SLC38A11: variants seen among roughly 807,000 people sequenced by gnomAD.
SLC38A11 encodes the protein putative sodium-coupled neutral amino acid transporter 11.
SLC38A11 carries 51 observed loss-of-function variants against 49.4 expected under a neutral mutation model. That is an observed-to-expected ratio of 1.03 (90% CI 0.83 to 1.30). SLC38A11 has a LOEUF of 1.30. Ranked by LOEUF, SLC38A11 falls within the 50% of genes most tolerant of loss-of-function variation. SLC38A11 has a pLI of 0.00. For missense variants in SLC38A11, 574 were observed against 556.2 expected (o/e 1.03, Z -0.32); for synonymous variants, 203 against 192.9 (o/e 1.05, Z -0.43).
At chr2:164,927,346 G>A (rs780873322) in intron 7 of SLC38A11, among the ~76,000 whole-genome samples, 6 of 152,138 alleles carry the variant, frequency 3.9e-5, no homozygotes, top group Non-Finnish European at 7.3e-5. Context: ...TTTTGTTACT[G>A]TAGCATAGAA....
chr2:164,917,366 C>T (rs911215618), intron 7 of SLC38A11, among the ~76,000 whole-genome samples: 5 of 151,918 alleles, frequency 3.3e-5, no homozygotes, highest in Admixed American at 6.6e-5. Context: ...CATCCTTTTT[C>T]CCATATATGA....
intron 3 of SLC38A11, among the ~76,000 whole-genome samples, chr2:164,946,607 A>G (rs772871036): frequency 2.0e-5 from 3 of 151,808 alleles, no homozygotes; most frequent in Non-Finnish European, 4.4e-5. Context: ...AGAAACTTCA[A>G]TTGAAGTTAG....
At chr2:164,935,488 A>G (rs1476338839) in intron 7 of SLC38A11, among the ~76,000 whole-genome samples, 6 of 143,370 alleles carry the variant, frequency 4.2e-5, no homozygotes, top group Admixed American at 7.3e-5. Flanking sequence ...TGGGCAACAT[A>G]GTGAGACTCC....
intron 10 of SLC38A11, among the ~76,000 whole-genome samples, chr2:164,911,423 C>A (rs1229845336): frequency 6.6e-6 from 1 of 152,064 alleles, no homozygotes; most frequent in Non-Finnish European, 1.5e-5. Flanking sequence ...ACCTAATTTT[C>A]AAACCGAACT....
chr2:164,953,656 C>T (rs1688667232), intron 2 of SLC38A11, among the ~76,000 whole-genome samples: 1 of 151,806 alleles, frequency 6.6e-6, no homozygotes, highest in South Asian at 2.1e-4. Flanking sequence ...AAAAGACTAT[C>T]CATAGAAAAA....
intron 5 of SLC38A11, among the ~76,000 whole-genome samples, chr2:164,942,306 G>T (rs1027185690): frequency 3.3e-5 from 5 of 151,224 alleles, no homozygotes; most frequent in Non-Finnish European, 3.0e-5. Context: ...GTGGTGGTGT[G>T]CACCTGCAAT....
chr2:164,941,238 A>T (rs1345733082), intron 5 of SLC38A11, among the ~76,000 whole-genome samples: 1 of 152,150 alleles, frequency 6.6e-6, no homozygotes. Flanking sequence ...TTTTTGAAAA[A>T]ATTTAAAAGC....
At chr2:164,919,509 A>G (rs1025934299) in intron 7 of SLC38A11, among the ~76,000 whole-genome samples, 4 of 152,198 alleles carry the variant, frequency 2.6e-5, no homozygotes, top group Admixed American at 6.5e-5. Flanking sequence ...AAGGTAAGCT[A>G]AAAGCTGGAA....
chr2:164,930,113 A>T lies in SLC38A11; in HGVS notation c.617+7237T>A, dbSNP rs553763355. Among the ~76,000 whole-genome samples the T allele has an allele frequency of 4.6e-5, 7 of 152,250 alleles. No homozygotes were observed. The South Asian group carries it at 1.5e-3, about 32-fold the overall frequency. On this transcript the variant is annotated intron_variant, in intron 7 of 11. Coordinates refer to ENST00000685975, the MANE Select transcript of SLC38A11 (RefSeq NM_001351537.2). ...GAAATACAAATAAAAATTAGAGAAT[A>T]TTATGAACACCTCCATGCACATAAA...
At chr2:164,943,474 A>C (rs11886210) in intron 5 of SLC38A11, among the ~76,000 whole-genome samples, 10,470 of 152,274 alleles carry the variant, frequency 0.069, 397 homozygotes, top group Admixed American at 0.1. Flanking sequence ...GCACCTTTCT[A>C]AACAAAAGAA....
intron 2 of SLC38A11, 27 bp downstream of exon 2, chr2:164,954,604 A>C (rs1195579531): frequency 7.9e-7 from 1 of 1,273,830 alleles, no homozygotes; most frequent in Non-Finnish European, 1.1e-6. Flanking sequence ...TTTCACTTAA[A>C]ATTTAAACCA....
chr2:164,946,294 G>A (rs527812794), intron 3 of SLC38A11, among the ~76,000 whole-genome samples: 40 of 152,102 alleles, frequency 2.6e-4, no homozygotes, highest in East Asian at 1.2e-3. Flanking sequence ...TTTGGCCGGC[G>A]CAGTGGCTCA....
chr2:164,895,469 T>C lies in SLC38A11; in HGVS notation c.*2968A>G, dbSNP rs1336793874. Among the ~76,000 whole-genome samples, 1 of 152,140 alleles carries C rather than the reference T, an allele frequency of 6.6e-6. No individual in the cohort carries two copies. Among genetic ancestry groups the C allele is most frequent in the African/African-American group, 2.4e-5 (1 of 41,432 alleles). The stretch of plus-strand genomic sequence containing the variant: ...ATTAAAAGACAGACTATTATTCCTT[T>C]CCTAAGCAAGGCTATAGCAGATAAA... On this transcript the variant is annotated 3_prime_UTR_variant, in exon 12 of 12. Coordinates refer to ENST00000685975, the MANE Select transcript of SLC38A11 (RefSeq NM_001351537.2).
chr2:164,923,150 C>T (rs1017265297), intron 7 of SLC38A11, among the ~76,000 whole-genome samples: 7 of 152,114 alleles, frequency 4.6e-5, no homozygotes, highest in East Asian at 3.9e-4. Flanking sequence ...ATACCCTTCC[C>T]GACATTGGCC....
At chr2:164,923,047 T>C (rs1430473589) in intron 7 of SLC38A11, among the ~76,000 whole-genome samples, 1 of 152,236 alleles carries the variant, frequency 6.6e-6, no homozygotes, top group African/African-American at 2.4e-5. Context: ...ACTAGACCCC[T>C]ACCTTTTTCC....
At chr2:164,906,004 G>A (rs1684978100) in intron 11 of SLC38A11, among the ~76,000 whole-genome samples, 1 of 151,952 alleles carries the variant, frequency 6.6e-6, no homozygotes, top group South Asian at 2.1e-4. Flanking sequence ...ATGCCATGGA[G>A]ATTAGCAATT....
At chr2:164,932,109 A>G (rs1226926097) in intron 7 of SLC38A11, among the ~76,000 whole-genome samples, 1 of 152,134 alleles carries the variant, frequency 6.6e-6, no homozygotes, top group Non-Finnish European at 1.5e-5. Flanking sequence ...GGCAAAGGAC[A>G]TGAACACTCT....
At position 164,907,270 on chromosome 2, in the gene SLC38A11, C is replaced by CTTTTTT. The variant is rs60527900; in HGVS notation, c.1095+1364_1095+1369dup. Reference sequence around the variant, plus strand: ...TCCATTTCCCTCTGTCTTCTTTTCTCTTTTTTTTTTTTTTTTTTTTTGAGA... The same window carrying CTTTTTT: ...TCCATTTCCCTCTGTCTTCTTTTCTCTTTTTTTTTTTTTTTTTTTTTTTTTTTGAGA... On this transcript the variant is annotated intron_variant, in intron 11 of 11. Coordinates refer to ENST00000685975, the MANE Select transcript of SLC38A11 (RefSeq NM_001351537.2). Among the ~76,000 whole-genome samples, 910 of 97,880 alleles carry CTTTTTT rather than the reference C, an allele frequency of 9.3e-3. 27 individuals carry two copies. The highest frequency in any genetic ancestry group is 0.025 in the South Asian group (57 of 2,252). 64.2% of individuals were successfully genotyped at this position (97,880 alleles called of 152,430 possible). A position where few individuals can be genotyped will look rare whatever the true frequency, so the allele number is the denominator to read the frequency against.
chr2:164,925,668 G>C (rs2105478051), intron 7 of SLC38A11, among the ~76,000 whole-genome samples: 1 of 152,202 alleles, frequency 6.6e-6, no homozygotes, highest in East Asian at 1.9e-4. Flanking sequence ...GTAGACCTCT[G>C]TATGTCTCCC....
Sources: allele counts gnomAD v4.1 joint callset (sites outside exome capture counted in the v4.1 genomes callset), GRCh38; gene constraint gnomAD v4.1.1; transcripts MANE v1.5; gene names NCBI Gene and HGNC (gene_info 2026-07-23, HGNC 2026-07-21).